PKD1L1: variants seen among roughly 807,000 people sequenced by gnomAD.
PKD1L1 encodes the protein polycystin-1-like protein 1.
A neutral mutation model predicts 323.4 loss-of-function variants in PKD1L1; 236 were observed. The ratio of observed to expected loss-of-function variants is 0.73; its 90% confidence interval spans 0.66 to 0.81. The LOEUF (loss-of-function observed/expected upper bound fraction) is 0.81, where lower values mean the gene tolerates loss of function less well. Among genes scored for constraint, PKD1L1 ranks in the 40% least tolerant of loss-of-function variants. The pLI is 0.00. For missense variants in PKD1L1, 3,320 were observed against 3,508.0 expected (o/e 0.95, Z 1.35); for synonymous variants, 1,344 against 1,335.0 (o/e 1.01, Z -0.15).
In PKD1L1 at chr7:47,839,577, C is replaced by A. The variant is rs1351524560; in HGVS notation, c.5638G>T (p.Val1880Leu). 1.2e-6 allele frequency: 2 copies of A among 1,603,108 alleles called. No homozygotes were observed. The highest frequency in any genetic ancestry group is 8.5e-7 in the Non-Finnish European group (1 of 1,175,334). Residue 1880 changes from valine (V) to leucine (L), a missense_variant, in exon 36 of 57, where the codon GTG becomes TTG. Transcript: ENST00000289672. The surrounding 1 kb of genome is among the most constrained non-coding windows in gnomAD (Gnocchi z 4.3). ...CCCGTGTGCAGCTCCTTCACCATCA[C>A]GTGGCTGATGAACCAGCCTGGGGAA... ...GPSPGWFISH[V>L]MVKELHTGQG... is the part of the protein sequence containing the mutation.
chr7:47,804,603 G>C (rs1784738037), intron 52 of PKD1L1, among the ~76,000 whole-genome samples: 1 of 151,278 alleles, frequency 6.6e-6, no homozygotes, highest in Non-Finnish European at 1.5e-5. Flanking sequence ...CCGAGTAGCT[G>C]GGGCTACAGG....
chr7:47,887,674 AGT>A (rs1178826635), intron 17 of PKD1L1, among the ~76,000 whole-genome samples: 1 of 152,242 alleles, frequency 6.6e-6, no homozygotes, highest in Admixed American at 6.5e-5. Context: ...CCCTCTGGGC[AGT>A]GTGTCACATC....
chr7:47,842,636 C>T (rs1196220771), intron 34 of PKD1L1, among the ~76,000 whole-genome samples: 5 of 152,142 alleles, frequency 3.3e-5, no homozygotes, highest in Non-Finnish European at 7.3e-5. Flanking sequence ...TTGTCTTCAG[C>T]CCCAAGCTCA....
intron 28 of PKD1L1, among the ~76,000 whole-genome samples, chr7:47,856,762 A>G (rs539744773): frequency 6.6e-6 from 1 of 152,322 alleles, no homozygotes; most frequent in Non-Finnish European, 1.5e-5. Flanking sequence ...CTGATTAGCC[A>G]TTTCCATTTC....
chr7:47,829,375 A>C (rs767397797), intron 44 of PKD1L1, 50 bp downstream of exon 44: 1 of 1,496,564 alleles, frequency 6.7e-7, no homozygotes, highest in Admixed American at 2.1e-5. Flanking sequence ...GATAGAATAT[A>C]AAGTAGTTTT....
intron 30 of PKD1L1, among the ~76,000 whole-genome samples, chr7:47,854,189 G>C (rs76953345): frequency 0.039 from 5,882 of 152,270 alleles, 164 homozygotes; most frequent in South Asian, 0.14. Context: ...GACAGCGCCT[G>C]TGTAAGATAC....
intron 56 of PKD1L1, among the ~76,000 whole-genome samples, chr7:47,788,007 G>C (rs1432064889): frequency 6.6e-6 from 1 of 152,196 alleles, no homozygotes; most frequent in East Asian, 1.9e-4. Flanking sequence ...CACTGTGTCC[G>C]GCCTGTTGTA....
chr7:47,812,235 C>T (rs1265458712), intron 49 of PKD1L1, among the ~76,000 whole-genome samples, 184 bp from the exon 50 acceptor site: 1 of 152,082 alleles, frequency 6.6e-6, no homozygotes, highest in East Asian at 1.9e-4. Context: ...TCATCAATAG[C>T]CCTCTGTCCT....
Position 47,830,142 on chromosome 7 carries a change from G to A in PKD1L1, c.6474-18C>T. 1 of 1,609,364 alleles carries A rather than the reference G, an allele frequency of 6.2e-7. No homozygotes were observed. Among genetic ancestry groups the A allele is most frequent in the Non-Finnish European group, 8.5e-7 (1 of 1,176,410 alleles). ...GGCCAAACCTGCCCCCAGGGAAAGTGCAGTGGTCAGCCCCCTCTAAGGGAG... is the reference window on the plus strand; with the variant it reads ...GGCCAAACCTGCCCCCAGGGAAAGTACAGTGGTCAGCCCCCTCTAAGGGAG... On this transcript the variant is annotated intron_variant, in intron 42 of 56. Coordinates refer to ENST00000289672, the MANE Select transcript of PKD1L1 (RefSeq NM_138295.5).
chr7:47,900,259 G>A (rs141365179), intron 13 of PKD1L1, among the ~76,000 whole-genome samples: 1 of 152,280 alleles, frequency 6.6e-6, no homozygotes, highest in Non-Finnish European at 1.5e-5. Flanking sequence ...TAGTGAGAGT[G>A]AGAGTTGGTC....
intron 39 of PKD1L1, 26 bp from the exon 40 acceptor site, chr7:47,834,411 T>C (rs1374808574): frequency 4.4e-6 from 7 of 1,599,888 alleles, no homozygotes; most frequent in African/African-American, 2.7e-5. Context: ...AAAAATCCAA[T>C]GTACGATGCT....
At chr7:47,876,840 C>T (rs890046164) in intron 22 of PKD1L1, among the ~76,000 whole-genome samples, 5 of 152,170 alleles carry the variant, frequency 3.3e-5, no homozygotes, top group East Asian at 3.9e-4. Flanking sequence ...TGTGCAATGG[C>T]GCGATCTCGG....
chr7:47,915,471 T>C lies in PKD1L1; in HGVS notation c.1189A>G (p.Ser397Gly). The change falls in exon 8 of 57, where the codon AGT becomes GGT. Residue 397 changes from serine to glycine, a missense_variant. Coordinates refer to ENST00000289672, the MANE Select transcript of PKD1L1 (RefSeq NM_138295.5). ...ENSCLEDSDP[S>G]NLGYELISAF... ...GAAATAAGCTCATATCCAAGGTTAC[T>C]GGGGTCTGAGTCTTCCAGGCAGCTG... The C allele has an allele frequency of 1.8e-6, 2 of 1,136,722 alleles. No homozygotes were observed. Among genetic ancestry groups the C allele is most frequent in the Non-Finnish European group, 2.7e-6 (2 of 744,010 alleles). 70.4% of individuals were successfully genotyped at this position (1,136,722 alleles called of 1,614,324 possible).
intron 4 of PKD1L1, 84 bp downstream of exon 4, chr7:47,936,762 T>C: frequency 9.1e-7 from 1 of 1,100,504 alleles, no homozygotes; most frequent in Non-Finnish European, 1.3e-6. Context: ...AAGCATCGAC[T>C]TTCACATCTG....
intron 46 of PKD1L1, among the ~76,000 whole-genome samples, chr7:47,817,632 G>C (rs999182676): frequency 6.6e-6 from 1 of 152,170 alleles, no homozygotes; most frequent in African/African-American, 2.4e-5. Context: ...ACTTTGGAAG[G>C]CCGAGGTGAG....
chr7:47,958,617 G>A, the PKD1L1 span, among the ~76,000 whole-genome samples: 1 of 152,172 alleles, frequency 6.6e-6, no homozygotes, highest in South Asian at 2.1e-4. Flanking sequence ...AAAAGCTTCT[G>A]CACAGCAAAG....
intron 18 of PKD1L1, 28 bp downstream of exon 18, chr7:47,885,658 G>T: frequency 6.3e-7 from 1 of 1,589,712 alleles, no homozygotes; most frequent in Non-Finnish European, 8.6e-7. Context: ...AGACAAGAGG[G>T]ATGACATGCA....
intron 41 of PKD1L1, among the ~76,000 whole-genome samples, chr7:47,832,857 G>A (rs1202195667): frequency 2.6e-5 from 4 of 152,340 alleles, no homozygotes; most frequent in African/African-American, 9.6e-5. Flanking sequence ...GTGTATTATT[G>A]GCTTTTAAAA....
At chr7:47,918,472 C>A (rs59635968) in intron 7 of PKD1L1, among the ~76,000 whole-genome samples, 20,239 of 123,432 alleles carry the variant, frequency 0.16, 1,544 homozygotes, top group African/African-American at 0.32. Flanking sequence ...AAGTCAACAA[C>A]AAAAAAAAAA....
Sources: allele counts gnomAD v4.1 joint callset (sites outside exome capture counted in the v4.1 genomes callset), GRCh38; gene constraint gnomAD v4.1.1; non-coding constraint Gnocchi (gnomAD v3.1); transcripts MANE v1.5; gene names NCBI Gene and HGNC (gene_info 2026-07-23, HGNC 2026-07-21).